GOLGA4: variants seen among roughly 807,000 people sequenced by gnomAD.
GOLGA4 encodes the protein golgin subfamily A member 4.
Under a neutral mutation model 265.9 loss-of-function variants are expected in GOLGA4, and 169 were observed. That is an observed-to-expected ratio of 0.64 (90% CI 0.56 to 0.72). The LOEUF is 0.72. GOLGA4 is among the 30% of genes least tolerant of loss of function. GOLGA4 has a pLI of 0.00. For missense variants in GOLGA4, 2,482 were observed against 2,483.4 expected (o/e 1.00, Z 0.01); for synonymous variants, 923 against 855.8 (o/e 1.08, Z -1.37).
chr3:37,328,233 G>GACACACACACACACACACACAC, intron 14 of GOLGA4, among the ~76,000 whole-genome samples, 183 bp from the exon 15 acceptor site: 1 of 138,536 alleles, frequency 7.2e-6, no homozygotes, highest in Admixed American at 7.3e-5. Context: ...TATGTACCTG[G>GACACACACACACACACACACAC]ACACACACAC....
chr3:37,311,377 A>T (rs988261375), intron 10 of GOLGA4, among the ~76,000 whole-genome samples: 3 of 152,242 alleles, frequency 2.0e-5, no homozygotes, highest in Non-Finnish European at 4.4e-5. Flanking sequence ...AGAAAGAAGT[A>T]TAACATACTG....
chr3:37,298,249 C>T lies in GOLGA4; in HGVS notation c.815-584C>T, dbSNP rs150245850. 2.5e-4 allele frequency among the ~76,000 whole-genome samples: 38 copies of T among 152,136 alleles called. 1 individual carries two copies. The highest frequency in any genetic ancestry group is 1.2e-3 in the Admixed American group (18 of 15,268). On this transcript the variant is annotated intron_variant, in intron 7 of 23. Coordinates refer to ENST00000361924, the MANE Select transcript of GOLGA4 (RefSeq NM_002078.5). ...TCAAATCAGTCTCGCCAAGCATTCA[C>T]GGATCCGAGTTTTTAAGAACAATTT...
At chr3:37,268,345 A>G (rs1458670379) in intron 2 of GOLGA4, among the ~76,000 whole-genome samples, 2 of 152,076 alleles carry the variant, frequency 1.3e-5, no homozygotes, top group Admixed American at 6.6e-5. Context: ...CAGCCTCACA[A>G]AGTGCTTGGA....
intron 12 of GOLGA4, 86 bp from the exon 13 acceptor site, chr3:37,321,645 A>G: frequency 8.0e-7 from 1 of 1,243,720 alleles, no homozygotes; most frequent in Non-Finnish European, 1.1e-6. Flanking sequence ...TGCAGATCAA[A>G]AGAAATGAAT....
intron 21 of GOLGA4, among the ~76,000 whole-genome samples, chr3:37,347,515 A>G (rs537424847): frequency 1.2e-4 from 19 of 152,152 alleles, no homozygotes; most frequent in Non-Finnish European, 1.5e-4. Flanking sequence ...TGAAAATACT[A>G]TTGGGTAACA....
chr3:37,343,308 A>T (rs1433971911), intron 20 of GOLGA4, among the ~76,000 whole-genome samples: 1 of 152,156 alleles, frequency 6.6e-6, no homozygotes, highest in Non-Finnish European at 1.5e-5. Context: ...TCTAGTAGAG[A>T]TGGGGTTTCT....
chr3:37,357,955 G>T (rs1049695973), intron 22 of GOLGA4, among the ~76,000 whole-genome samples: 16 of 152,094 alleles, frequency 1.1e-4, no homozygotes, highest in Admixed American at 8.5e-4. Flanking sequence ...GTAAGTTTTT[G>T]TAACTGTGCA....
At chr3:37,251,599 G>A (rs796608029) in intron 2 of GOLGA4, 115 bp downstream of exon 2, 2 of 593,390 alleles carry the variant, frequency 3.4e-6, no homozygotes, top group South Asian at 4.2e-5. Flanking sequence ...TTCCTAGGTA[G>A]AGTTTTTATT....
At chr3:37,289,331 A>G in intron 5 of GOLGA4, 40 bp downstream of exon 5, 1 of 1,206,232 alleles carries the variant, frequency 8.3e-7, no homozygotes, top group Non-Finnish European at 1.2e-6. Flanking sequence ...TAGTAATTAA[A>G]TCTCATATTT....
Position 37,327,631 on chromosome 3 carries a change from C to T in GOLGA4, c.5745C>T (p.Pro1915=). ...EEKSKSHLVQ[P]KLLSNMEAQH... is the part of the protein sequence containing the mutation. ...AGTCCAAATCACATTTGGTCCAACC[C>T]AAATTGCTTAGTAACATGGAAGCCC... Residue 1915 remains proline (P), a synonymous_variant, in exon 14 of 24, where the codon CCC becomes CCT. Transcript: ENST00000361924. 1 of 1,613,778 alleles carries T rather than the reference C, an allele frequency of 6.2e-7. No homozygotes were observed. The highest frequency in any genetic ancestry group is 8.5e-7 in the Non-Finnish European group (1 of 1,179,782).
intron 21 of GOLGA4, among the ~76,000 whole-genome samples, chr3:37,349,866 GTTCT>G (rs1160937189): frequency 3.3e-5 from 5 of 152,132 alleles, no homozygotes; most frequent in African/African-American, 1.2e-4. Context: ...TGTACACAGT[GTTCT>G]TTATTTTATG....
chr3:37,363,811 T>A (rs1696530327), intron 23 of GOLGA4, among the ~76,000 whole-genome samples: 1 of 152,228 alleles, frequency 6.6e-6, no homozygotes, highest in Non-Finnish European at 1.5e-5. Context: ...ACTTGAGATT[T>A]CACATTGCAT....
In GOLGA4 at chr3:37,325,120, A is replaced by G; in HGVS notation, c.3234A>G (p.Gln1078=). 6.2e-7 allele frequency: 1 copy of G among 1,613,434 alleles called. No individual in the cohort carries two copies. Among genetic ancestry groups the G allele is most frequent in the South Asian group, 1.1e-5 (1 of 91,036 alleles). ...EKEQEVAELK[Q]KILLFGCEKE... Reference sequence around the variant, plus strand: ...AACAAGAGGTAGCAGAACTGAAACAAAAGATCCTCCTATTTGGGTGTGAAA... The same window carrying G: ...AACAAGAGGTAGCAGAACTGAAACAGAAGATCCTCCTATTTGGGTGTGAAA... The change falls in exon 14 of 24, where the codon CAA becomes CAG. Residue 1078 remains glutamine (Q), a synonymous_variant. Coordinates refer to ENST00000361924, the MANE Select transcript of GOLGA4 (RefSeq NM_002078.5).
chr3:37,351,089 C>A (rs2097072820), intron 21 of GOLGA4, among the ~76,000 whole-genome samples: 1 of 152,082 alleles, frequency 6.6e-6, no homozygotes, highest in South Asian at 2.1e-4. Flanking sequence ...GCGGTCAGTT[C>A]TCTCAAAATT....
rs143296928 is a variant in GOLGA4, at chr3:37,335,056, C to T, written c.6196C>T (p.Arg2066Cys). 1.2e-3 allele frequency: 1,816 copies of T among 1,550,748 alleles called. 14 individuals carry two copies. The highest frequency in any genetic ancestry group is 4.9e-3 in the South Asian group (423 of 86,474). ...TCTTTTTTTTTAAATCCTAAAGGCT[C>T]GTGAAGAAGAAATGACTGCAAAAGT... is the stretch of plus-strand genomic sequence containing the variant. ...AKRYEEILDA[R>C]EEEMTAKVRD... is the part of the protein sequence containing the mutation. Residue 2066 changes from arginine to cysteine, a missense_variant, in exon 17 of 24, where the codon CGT (arginine) becomes TGT (cysteine). Transcript: ENST00000361924.
intron 21 of GOLGA4, among the ~76,000 whole-genome samples, chr3:37,351,250 C>G (rs1485666311): frequency 7.9e-4 from 120 of 152,122 alleles, no homozygotes. Flanking sequence ...GAAGCAACTC[C>G]TCATCCATTA....
At chr3:37,337,110 A>G (rs758934363) in intron 17 of GOLGA4, 33 bp from the exon 18 acceptor site, 261 of 1,288,740 alleles carry the variant, frequency 2.0e-4, no homozygotes, top group Non-Finnish European at 1.3e-5. Flanking sequence ...CTATTATTGT[A>G]TACACTCATG....
intron 2 of GOLGA4, chr3:37,275,969 C>T (rs2096816760): frequency 6.2e-7 from 1 of 1,613,480 alleles, no homozygotes; most frequent in East Asian, 2.2e-5. Context: ...GAAGAAAGAA[C>T]CTGCAATTAC....
At position 37,337,170 on chromosome 3, in the gene GOLGA4, C is replaced by G; in HGVS notation, c.6327+7C>G. 2 of 1,390,600 alleles carry G rather than the reference C, an allele frequency of 1.4e-6. No homozygotes were observed. The highest frequency in any genetic ancestry group is 2.0e-6 in the Non-Finnish European group (2 of 1,003,182). The allele number at this position is 1,390,600 out of a possible 1,614,324, so 86.1% of individuals were successfully genotyped here. A position where few individuals can be genotyped will look rare whatever the true frequency, so the allele number is the denominator to read the frequency against. On this transcript the variant is annotated splice_region_variant and intron_variant, in intron 18 of 23. Transcript: ENST00000361924. ...AACAATTATGGAGCTACAGGTAAGGCTAGTTCTTCTTTTTTTTTTTTTCTT... is the reference window on the plus strand; with the variant it reads ...AACAATTATGGAGCTACAGGTAAGGGTAGTTCTTCTTTTTTTTTTTTTCTT...
Sources: gnomAD v4.1 joint callset for allele counts (sites outside exome capture counted in the v4.1 genomes callset) on GRCh38, gnomAD v4.1.1 for gene constraint, MANE v1.5 for transcripts, NCBI Gene and HGNC (gene_info 2026-07-23, HGNC 2026-07-21) for gene names.